The following OCA2 variants were observed in gnomAD, a reference collection of about 807,000 sequenced individuals.
The protein encoded by OCA2 is OCA2 melanosomal transmembrane protein.
A neutral mutation model predicts 100.2 loss-of-function variants in OCA2; 77 were observed. The ratio of observed to expected loss-of-function variants is 0.77; its 90% CI spans 0.64 to 0.93. The LOEUF (loss-of-function observed/expected upper bound fraction) is 0.93. Among genes scored for constraint, OCA2 ranks in the 40% least tolerant of loss-of-function variants. The probability of loss-of-function intolerance (pLI) is 0.00; values close to 1 mark genes in which losing one functional copy is unlikely to be tolerated. For synonymous variants in OCA2, 432 were observed against 439.2 expected (o/e 0.98, Z 0.21); for missense variants, 1,062 against 1,089.1 (o/e 0.98, Z 0.35).
At chr15:28,054,030 A>G (rs2043602266) in intron 2 of OCA2, among the ~76,000 whole-genome samples, 2 of 152,170 alleles carry the variant, frequency 1.3e-5, no homozygotes, top group South Asian at 4.1e-4. Context: ...GTATATATGT[A>G]TGTGTATAAA....
intron 23 of OCA2, among the ~76,000 whole-genome samples, chr15:27,808,093 G>A (rs1232611524): frequency 1.3e-5 from 2 of 152,256 alleles, no homozygotes; most frequent in Non-Finnish European, 2.9e-5. Flanking sequence ...TGGCCCCAGA[G>A]GGCATCCCAG....
chr15:27,805,123 G>T (rs1384202197), intron 23 of OCA2, among the ~76,000 whole-genome samples: 1 of 152,226 alleles, frequency 6.6e-6, no homozygotes, highest in African/African-American at 2.4e-5. Context: ...CGCTGTGTGG[G>T]AGCCGGGGAG....
At chr15:27,926,855 C>T (rs758668234) in intron 18 of OCA2, among the ~76,000 whole-genome samples, 1 of 152,162 alleles carries the variant, frequency 6.6e-6, no homozygotes, top group Non-Finnish European at 1.5e-5. Flanking sequence ...CTCAAGTGAT[C>T]CGCCCACCTC....
At position 27,926,177 on chromosome 15, in the gene OCA2, C is replaced by T. The variant is rs2039035935; in HGVS notation, c.2029G>A (p.Val677Met). 4 of 1,614,036 alleles carry T rather than the reference C, an allele frequency of 2.5e-6. No individual in the cohort carries two copies. The highest frequency in any genetic ancestry group is 1.3e-5 in the African/African-American group (1 of 74,948). Reference protein sequence around the residue: ...IHDFEIILHRVEWATLLFFAA... With the variant: ...IHDFEIILHRMEWATLLFFAA... ...AAAAACAGAAGGGTTGCCCATTCCA[C>T]TCTGTGTAGAATTATCTCAAAATCA... The change falls in exon 19 of 24, where the codon GTG (valine) becomes ATG (methionine). Residue 677 changes from valine (V) to methionine (M), a missense_variant. By Grantham distance (21) the Val-to-Met change is conservative. Transcript: ENST00000354638.
At chr15:27,845,890 A>G (rs2035515747) in intron 22 of OCA2, among the ~76,000 whole-genome samples, 1 of 152,162 alleles carries the variant, frequency 6.6e-6, no homozygotes, top group Non-Finnish European at 1.5e-5. Context: ...ACAGCATGTC[A>G]GTGTGAGGGA....
intron 17 of OCA2, among the ~76,000 whole-genome samples, chr15:27,952,664 A>ATT: frequency 6.7e-6 from 1 of 148,904 alleles, no homozygotes; most frequent in South Asian, 2.1e-4. Flanking sequence ...TTATTTATTT[A>ATT]TTTATTTTTA....
chr15:28,034,263 G>A (rs1008593220), intron 2 of OCA2, among the ~76,000 whole-genome samples: 6 of 152,162 alleles, frequency 3.9e-5, no homozygotes, highest in Admixed American at 3.3e-4. Flanking sequence ...CTGCACTCCA[G>A]CCTGGAGGAG....
At chr15:27,869,305 T>C (rs1206329701) in intron 21 of OCA2, among the ~76,000 whole-genome samples, 1 of 152,168 alleles carries the variant, frequency 6.6e-6, no homozygotes, top group Non-Finnish European at 1.5e-5. Flanking sequence ...GGGACCCACA[T>C]TCATGAGGGC....
At chr15:27,903,186 C>T (rs2038027593) in intron 19 of OCA2, among the ~76,000 whole-genome samples, 1 of 152,246 alleles carries the variant, frequency 6.6e-6, no homozygotes, top group Non-Finnish European at 1.5e-5. Context: ...CTTTGTGTCG[C>T]CGGCGCCGTG....
chr15:27,786,745 A>G (rs2032834992), intron 23 of OCA2, among the ~76,000 whole-genome samples: 2 of 152,142 alleles, frequency 1.3e-5, no homozygotes, highest in South Asian at 4.1e-4. Flanking sequence ...TTTGTAAATA[A>G]AAGCCGTTTT....
intron 19 of OCA2, among the ~76,000 whole-genome samples, chr15:27,894,671 T>C (rs999024704): frequency 3.3e-5 from 5 of 152,224 alleles, no homozygotes; most frequent in Admixed American, 2.0e-4. Context: ...TTGTGACATA[T>C]TGACTCTGCA....
intron 18 of OCA2, among the ~76,000 whole-genome samples, chr15:27,937,247 C>A (rs2039489498): frequency 6.6e-6 from 1 of 152,178 alleles, no homozygotes; most frequent in African/African-American, 2.4e-5. Context: ...GTAATACGTT[C>A]ATTTTTTATT....
chr15:27,851,243 C>A, intron 22 of OCA2, 139 bp downstream of exon 22: 2 of 775,576 alleles, frequency 2.6e-6, no homozygotes, highest in Admixed American at 2.0e-5. Context: ...TCTGTCAAAG[C>A]TGAATATGTG....
At chr15:27,867,051 C>A (rs1204140752) in intron 21 of OCA2, among the ~76,000 whole-genome samples, 14 of 152,252 alleles carry the variant, frequency 9.2e-5, no homozygotes, top group Admixed American at 6.5e-5. Flanking sequence ...AGCCGCCCCC[C>A]ATTCCCAGTG....
chr15:27,802,490 G>C (rs996328699), intron 23 of OCA2, among the ~76,000 whole-genome samples: 5 of 151,926 alleles, frequency 3.3e-5, no homozygotes, highest in Admixed American at 3.3e-4. Context: ...CCCCAGAATA[G>C]CCAAAACAAC....
chr15:27,796,871 T>C (rs532628946), intron 23 of OCA2, among the ~76,000 whole-genome samples: 1 of 152,284 alleles, frequency 6.6e-6, no homozygotes, highest in African/African-American at 2.4e-5. Flanking sequence ...CCACTCCGTG[T>C]CCCTCCAATC....
chr15:27,764,069 G>A (rs1210419882), intron 23 of OCA2, among the ~76,000 whole-genome samples: 1 of 151,450 alleles, frequency 6.6e-6, no homozygotes, highest in Admixed American at 6.6e-5. Flanking sequence ...TAGACAGAGG[G>A]AGAAATGGAA....
rs766911058 is a variant in OCA2, at chr15:28,018,476, C to T, written c.728G>A (p.Arg243His). 22 of 1,613,836 alleles carry T rather than the reference C, an allele frequency of 1.4e-5. No individual in the cohort carries two copies. Among genetic ancestry groups the T allele is most frequent in the Non-Finnish European group, 1.8e-5 (21 of 1,179,954 alleles). ...CACGATGTGCTCTTCCCTCCCAGGA[C>T]GACTCGGCCCACTGGCCACTAGGGC... ...AGALVASGPS[R>H]PGREEHIVVE... Residue 243 changes from arginine (R) to histidine (H), a missense_variant, in exon 7 of 24, where the codon CGT (arginine) becomes CAT (histidine). Arg to His is a conservative substitution (Grantham distance 29, BLOSUM62 0). Transcript: ENST00000354638.
intron 2 of OCA2, among the ~76,000 whole-genome samples, chr15:28,067,597 G>A (rs1002704149): frequency 3.3e-5 from 5 of 151,870 alleles, no homozygotes; most frequent in Admixed American, 2.0e-4. Flanking sequence ...GTTCACTCAG[G>A]ACTTATTCAG....
Sources: gnomAD v4.1 joint callset for allele counts (sites outside exome capture counted in the v4.1 genomes callset) on GRCh38, gnomAD v4.1.1 for gene constraint, MANE v1.5 for transcripts, NCBI Gene and HGNC (gene_info 2026-07-23, HGNC 2026-07-21) for gene names.